Variants in GRID2 observed in about 807,000 individuals in gnomAD.
GRID2 encodes the protein glutamate receptor ionotropic, delta-2.
A neutral mutation model predicts 114.8 loss-of-function variants in GRID2; 33 were observed. That is an observed-to-expected ratio of 0.29 (90% CI 0.22 to 0.38). The LOEUF (loss-of-function observed/expected upper bound fraction) is 0.38, where lower values mean the gene tolerates loss of function less well. Ranked by LOEUF, GRID2 falls within the 10% of genes least tolerant of loss-of-function variation. The pLI is 1.00. For missense variants in GRID2, 1,184 were observed against 1,257.7 expected (o/e 0.94, Z 0.89); for synonymous variants, 505 against 449.9 (o/e 1.12, Z -1.55).
At chr4:92,944,487 C>T (rs972309043) in intron 2 of GRID2, among the ~76,000 whole-genome samples, 4 of 152,232 alleles carry the variant, frequency 2.6e-5, no homozygotes, top group South Asian at 2.1e-4. Flanking sequence ...CTTTCTTTGA[C>T]TAGGAAAGGG....
intron 1 of GRID2, among the ~76,000 whole-genome samples, chr4:93,803,604 C>G (rs1734976804): frequency 6.6e-6 from 1 of 152,086 alleles, no homozygotes; most frequent in Non-Finnish European, 1.5e-5. Flanking sequence ...CACCTGTAGT[C>G]CTAGCCACTC....
At chr4:93,172,316 G>A (rs1331313195) in intron 4 of GRID2, among the ~76,000 whole-genome samples, 2 of 152,094 alleles carry the variant, frequency 1.3e-5, no homozygotes, top group East Asian at 1.9e-4. Context: ...GAATTGGCCA[G>A]GCGCGGTGGC....
intron 8 of GRID2, among the ~76,000 whole-genome samples, chr4:93,331,132 C>A (rs1019257904): frequency 3.4e-5 from 5 of 147,168 alleles, no homozygotes; most frequent in Admixed American, 2.7e-4. Flanking sequence ...TCTAACCCCC[C>A]CCCCATTTCA....
intron 2 of GRID2, 154 bp from the exon 3 acceptor site, chr4:93,084,841 T>A: frequency 1.6e-6 from 1 of 613,066 alleles, no homozygotes; most frequent in East Asian, 2.8e-5. Flanking sequence ...TAGTGCTTTG[T>A]AATTTGAGGA....
chr4:92,449,676 G>GATATATATATATATATATATAT (rs371209786), intron 1 of GRID2, among the ~76,000 whole-genome samples: 33 of 96,744 alleles, frequency 3.4e-4, no homozygotes, highest in Non-Finnish European at 4.6e-4. Flanking sequence ...TTTTCTTACT[G>GATATATATATATATATATATAT]ATATATATAT....
At chr4:92,913,375 T>C (rs902084198) in intron 2 of GRID2, among the ~76,000 whole-genome samples, 9 of 152,030 alleles carry the variant, frequency 5.9e-5, no homozygotes, top group African/African-American at 2.2e-4. Flanking sequence ...CTAACTATTA[T>C]TATTATTGTT....
intron 2 of GRID2, among the ~76,000 whole-genome samples, chr4:92,676,038 A>C (rs1038845569): frequency 5.9e-5 from 9 of 151,974 alleles, no homozygotes; most frequent in African/African-American, 1.9e-4. Context: ...TTCATGGAAG[A>C]GGGGCGAGTT....
intron 2 of GRID2, among the ~76,000 whole-genome samples, chr4:92,840,055 C>T (rs1423784115): frequency 5.3e-5 from 8 of 151,920 alleles, no homozygotes; most frequent in African/African-American, 1.9e-4. Context: ...TGAATTGACC[C>T]CTTTATCATT....
At chr4:93,344,495 T>C (rs1759989732) in intron 8 of GRID2, among the ~76,000 whole-genome samples, 1 of 151,746 alleles carries the variant, frequency 6.6e-6, no homozygotes, top group South Asian at 2.1e-4. Flanking sequence ...GGCAATGTTT[T>C]GATATATGTA....
chr4:92,477,934 AC>A (rs1722399146), intron 1 of GRID2, among the ~76,000 whole-genome samples: 1 of 151,040 alleles, frequency 6.6e-6, no homozygotes, highest in Admixed American at 6.6e-5. Flanking sequence ...TGTTATTGGT[AC>A]TATACAAGAG....
At chr4:92,759,555 A>G (rs1010801065) in intron 2 of GRID2, among the ~76,000 whole-genome samples, 11 of 152,046 alleles carry the variant, frequency 7.2e-5, no homozygotes, top group Non-Finnish European at 1.6e-4. Context: ...CTTACAGAGT[A>G]ATATCAAATA....
intron 2 of GRID2, among the ~76,000 whole-genome samples, chr4:92,638,751 G>A (rs1731197882): frequency 6.7e-6 from 1 of 150,036 alleles, no homozygotes; most frequent in African/African-American, 2.4e-5. Flanking sequence ...AGGGATATTT[G>A]TTATTTTTAA....
intron 4 of GRID2, among the ~76,000 whole-genome samples, chr4:93,160,295 C>A (rs976844603): frequency 2.0e-5 from 3 of 151,578 alleles, no homozygotes; most frequent in African/African-American, 7.3e-5. Context: ...AAGGTAATAT[C>A]ATTGAATGCT....
chr4:93,106,527 T>C (rs762880449), intron 3 of GRID2, among the ~76,000 whole-genome samples: 3 of 152,042 alleles, frequency 2.0e-5, no homozygotes, highest in Admixed American at 6.6e-5. Context: ...TTTGTATTTT[T>C]AGCCAGGCTG....
chr4:93,737,568 T>A (rs1339117225), intron 14 of GRID2, among the ~76,000 whole-genome samples: 1 of 151,888 alleles, frequency 6.6e-6, no homozygotes, highest in Non-Finnish European at 1.5e-5. Flanking sequence ...CTATAAAAAA[T>A]TAAAAAATAA....
At position 92,930,648 on chromosome 4, in the gene GRID2, C is replaced by T. The variant is rs567120783; in HGVS notation, c.245-154347C>T. Among the ~76,000 whole-genome samples, 62 of 137,870 alleles carry T rather than the reference C, an allele frequency of 4.5e-4. No individual in the cohort carries two copies. The East Asian group carries it at 0.013, about 28-fold the overall frequency. 90.4% of individuals were successfully genotyped at this position (137,870 alleles called of 152,430 possible). On this transcript the variant is annotated intron_variant, in intron 2 of 15. Transcript: ENST00000282020. The stretch of plus-strand genomic sequence containing the variant: ...TTACAACATGTGAAGCATCAAAAGA[C>T]TTATAAAATCTTGAGTCTTGTCTGA...
At position 93,354,259 on chromosome 4, in the gene GRID2, A is replaced by G. The variant is rs938554383; in HGVS notation, c.1246-41348A>G. Among the ~76,000 whole-genome samples, 18 of 152,186 alleles carry G rather than the reference A, an allele frequency of 1.2e-4. No individual in the cohort carries two copies. In the East Asian group the frequency reaches 1.6e-3, roughly 13 times the overall value. On this transcript the variant is annotated intron_variant, in intron 8 of 15. Transcript: ENST00000282020. ...CTTGTTTTCGTTGAATTCATGTTGCATGAAAGAATCTTATTTATTTTTCAT... is the reference window on the plus strand; with the variant it reads ...CTTGTTTTCGTTGAATTCATGTTGCGTGAAAGAATCTTATTTATTTTTCAT...
chr4:93,431,631 A>T (rs1311438097), intron 10 of GRID2, among the ~76,000 whole-genome samples: 1 of 152,134 alleles, frequency 6.6e-6, no homozygotes, highest in Non-Finnish European at 1.5e-5. Context: ...GGATGTGAAA[A>T]GGTGAAAATG....
At chr4:92,544,321 T>C (rs1726132557) in intron 1 of GRID2, among the ~76,000 whole-genome samples, 1 of 152,138 alleles carries the variant, frequency 6.6e-6, no homozygotes, top group Non-Finnish European at 1.5e-5. Flanking sequence ...TAAAAATCTC[T>C]TTACTGAGGG....
Sources: allele counts gnomAD v4.1 joint callset (sites outside exome capture counted in the v4.1 genomes callset), GRCh38; gene constraint gnomAD v4.1.1; transcripts MANE v1.5; gene names NCBI Gene and HGNC (gene_info 2026-07-23, HGNC 2026-07-21).